Variants in KLC1 observed in about 807,000 individuals in gnomAD.
KLC1 encodes the protein kinesin 2 60/70kDa.
KLC1 carries 30 observed loss-of-function variants against 84.2 expected under a neutral mutation model. That is an observed-to-expected ratio of 0.36 (90% CI 0.27 to 0.48). The LOEUF is 0.48. Ranked by LOEUF, KLC1 falls within the 20% of genes least tolerant of loss-of-function variation. The pLI is 0.99. For synonymous variants in KLC1, 289 were observed against 293.3 expected (o/e 0.99, Z 0.15); for missense variants, 499 against 805.4 (o/e 0.62, Z 4.60).
chr14:103,634,826 C>T (rs2076935653), intron 1 of KLC1, among the ~76,000 whole-genome samples: 1 of 152,052 alleles, frequency 6.6e-6, no homozygotes, highest in Non-Finnish European at 1.5e-5. Context: ...AGCCATCTGC[C>T]TGCCGTGGCC....
intron 14 of KLC1, among the ~76,000 whole-genome samples, 153 bp from the exon 15 acceptor site, chr14:103,692,204 CAT>C (rs2082162590): frequency 6.6e-6 from 1 of 152,194 alleles, no homozygotes; most frequent in Non-Finnish European, 1.5e-5. Context: ...TAGAGTGAGA[CAT>C]AGGACTCCCC....
intron 5 of KLC1, among the ~76,000 whole-genome samples, chr14:103,663,184 A>G (rs1034778969): frequency 1.3e-5 from 2 of 150,192 alleles, no homozygotes; most frequent in Non-Finnish European, 3.0e-5. Context: ...GGTTCACGCC[A>G]TTCTCCTGCC....
chr14:103,670,091 A>C, intron 6 of KLC1, 91 bp from the exon 7 acceptor site: 1 of 891,244 alleles, frequency 1.1e-6, no homozygotes, highest in Non-Finnish European at 1.8e-6. Flanking sequence ...GCTTTACTGT[A>C]TAGATTGAAT....
chr14:103,670,623 T>C (rs1225407917), intron 7 of KLC1, among the ~76,000 whole-genome samples: 2 of 151,406 alleles, frequency 1.3e-5, no homozygotes, highest in Admixed American at 1.3e-4. Context: ...GCTGAGCCAC[T>C]GTGCCCGGCG....
Position 103,695,833 on chromosome 14 carries a change from C to T in KLC1, c.1848+3408C>T, listed in dbSNP as rs915505052. The T allele has an allele frequency of 3.0e-6, 3 of 985,206 alleles. No individual in the cohort carries two copies. In the African/African-American group the frequency reaches 5.2e-5, roughly 17 times the overall value. The allele number at this position is 985,206 out of a possible 1,614,324, so 61.0% of individuals were successfully genotyped here. ...CCAGGGGGCCTCCCTGAAGCCAGCT[C>T]ATAAAGGAAGGTTCGTGTTTCAGAG... On this transcript the variant is annotated intron_variant, in intron 15 of 16. Coordinates refer to ENST00000334553, the MANE Select transcript of KLC1 (RefSeq NM_001394837.1).
intron 15 of KLC1, chr14:103,695,327 A>C: frequency 2.1e-6 from 1 of 471,024 alleles, no homozygotes; most frequent in Non-Finnish European, 2.6e-6. Context: ...ATATATATAT[A>C]TGTGTGTGTG....
Position 103,654,669 on chromosome 14 carries a change from G to A in KLC1, c.105G>A (p.Leu35=). 1.2e-6 allele frequency: 2 copies of A among 1,614,178 alleles called. No homozygotes were observed. Among genetic ancestry groups the A allele is most frequent in the South Asian group, 1.1e-5 (1 of 91,078 alleles). Residue 35 remains leucine (L), a synonymous_variant, in exon 2 of 17, where the codon CTG becomes CTA. Transcript: ENST00000334553. ...ISKTKQVIQG[L]EALKNEHNSI... ...AGACAAAGCAAGTAATTCAGGGGCT[G>A]GAAGCTTTGAAGAATGAGCACAATT... is the stretch of plus-strand genomic sequence containing the variant.
At chr14:103,679,245 GGAACCACTCTTCCAA>G (rs1311161699) in intron 12 of KLC1, 124 bp from the exon 13 acceptor site, 2 of 1,164,872 alleles carry the variant, frequency 1.7e-6, no homozygotes, top group Admixed American at 4.6e-5. Context: ...CCCCCTCCAA[GGAACCACTCTTCCAA>G]TGTTTTTCCC....
intron 1 of KLC1, among the ~76,000 whole-genome samples, chr14:103,652,887 A>T (rs2078568068): frequency 6.6e-6 from 1 of 152,202 alleles, no homozygotes; most frequent in African/African-American, 2.4e-5. Flanking sequence ...TTTAAAAGGA[A>T]TTCAGTCTTC....
intron 1 of KLC1, among the ~76,000 whole-genome samples, chr14:103,632,549 C>G (rs1469653862): frequency 6.6e-6 from 1 of 151,972 alleles, no homozygotes; most frequent in Admixed American, 6.6e-5. Context: ...AACCCTGTCT[C>G]TACTAAAAAT....
intron 13 of KLC1, 158 bp from the exon 14 acceptor site, chr14:103,686,923 A>G (rs2081813138): frequency 2.5e-6 from 1 of 396,650 alleles, no homozygotes; most frequent in African/African-American, 2.0e-5. Context: ...AAGTATATTC[A>G]CGTACATGGT....
At position 103,694,720 on chromosome 14, in the gene KLC1, T is replaced by C. The variant is rs866705254; in HGVS notation, c.1848+2295T>C. 1.0e-6 allele frequency: 1 copy of C among 985,482 alleles called. No individual in the cohort carries two copies. The highest frequency in any genetic ancestry group is 1.2e-6 in the Non-Finnish European group (1 of 829,948). The allele number at this position is 985,482 out of a possible 1,614,324, so 61.0% of individuals were successfully genotyped here. Reference sequence around the variant, plus strand: ...ATCCCGTGAAAGCTCAGCTTGCCACTGTCATGTAACAGGGTGGGTGGTGGC... The same window carrying C: ...ATCCCGTGAAAGCTCAGCTTGCCACCGTCATGTAACAGGGTGGGTGGTGGC... On this transcript the variant is annotated intron_variant, in intron 15 of 16. Transcript: ENST00000334553. The surrounding 1 kb of genome is among the most constrained non-coding windows in gnomAD (Gnocchi z 4.5).
intron 15 of KLC1, chr14:103,695,098 G>A (rs977963512): frequency 2.0e-6 from 2 of 985,118 alleles, no homozygotes; most frequent in Non-Finnish European, 2.4e-6. Flanking sequence ...ACATAGAGGT[G>A]TTGAAGAAAA....
chr14:103,664,334 T>C lies in KLC1; in HGVS notation c.797+1407T>C, dbSNP rs922989332. ...GCCTGGCTAACTTCTGTATTTTTAG[T>C]AGAGACGGGGTTTCACCATGTTGGC... On this transcript the variant is annotated intron_variant, in intron 5 of 16. Coordinates refer to ENST00000334553, the MANE Select transcript of KLC1 (RefSeq NM_001394837.1). Among the ~76,000 whole-genome samples the C allele has an allele frequency of 1.8e-4, 27 of 151,894 alleles. 3 individuals are homozygous for C. Among genetic ancestry groups the C allele is most frequent in the Admixed American group, 1.8e-3 (27 of 15,214 alleles).
chr14:103,685,298 A>G, intron 13 of KLC1: 1 of 1,333,850 alleles, frequency 7.5e-7, no homozygotes, highest in Non-Finnish European at 9.6e-7. Context: ...TTTTCATTGC[A>G]TAATCTCCTT....
intron 1 of KLC1, among the ~76,000 whole-genome samples, chr14:103,643,412 A>C (rs1259230924): frequency 6.6e-6 from 1 of 152,228 alleles, no homozygotes; most frequent in Admixed American, 6.5e-5. Context: ...CTGATGTATT[A>C]GGTGTAAATC....
intron 11 of KLC1, among the ~76,000 whole-genome samples, chr14:103,676,564 C>A (rs1412351590): frequency 6.6e-6 from 1 of 152,192 alleles, no homozygotes; most frequent in Non-Finnish European, 1.5e-5. Flanking sequence ...CTGTGTCTTT[C>A]CACTCTTAAC....
At chr14:103,696,153 T>C (rs2082492476) in intron 15 of KLC1, 1 of 958,406 alleles carries the variant, frequency 1.0e-6, no homozygotes, top group Non-Finnish European at 1.2e-6. Flanking sequence ...CCAGCAACCA[T>C]GGCATGGGAG....
At chr14:103,643,010 A>G (rs2077609368) in intron 1 of KLC1, among the ~76,000 whole-genome samples, 1 of 152,098 alleles carries the variant, frequency 6.6e-6, no homozygotes, top group Non-Finnish European at 1.5e-5. Flanking sequence ...ACCTCAGGTA[A>G]TCCACCCACC....
Sources: gnomAD v4.1 joint callset for allele counts (sites outside exome capture counted in the v4.1 genomes callset) on GRCh38, gnomAD v4.1.1 for gene constraint, Gnocchi (gnomAD v3.1) non-coding constraint, MANE v1.5 for transcripts, NCBI Gene and HGNC (gene_info 2026-07-23, HGNC 2026-07-21) for gene names.